The following GRM8 variants were observed in gnomAD, a reference collection of about 807,000 sequenced individuals.
The protein encoded by GRM8 is metabotropic glutamate receptor 8.
In GRM8, 47 loss-of-function variants were observed where a neutral mutation model predicts 87.2. The observed-to-expected ratio is 0.54, with a 90% CI of 0.43 to 0.69. The LOEUF is 0.69. GRM8 is among the 30% of genes least tolerant of loss of function. The pLI is 0.00. For missense variants in GRM8, 1,019 were observed against 1,139.2 expected, an observed-to-expected ratio of 0.89 and a Z score of 1.52; for synonymous variants, 396 against 404.5, an observed-to-expected ratio of 0.98 and a Z score of 0.25.
intron 9 of GRM8, among the ~76,000 whole-genome samples, chr7:126,477,138 C>T (rs1176586152): frequency 6.6e-6 from 1 of 152,020 alleles, no homozygotes; most frequent in Non-Finnish European, 1.5e-5. Context: ...GTAAGGCAGA[C>T]ATAGAAAAAC....
At chr7:126,843,995 C>T (rs1796498725) in intron 6 of GRM8, among the ~76,000 whole-genome samples, 1 of 152,156 alleles carries the variant, frequency 6.6e-6, no homozygotes, top group South Asian at 2.1e-4. Flanking sequence ...AATTTTACAA[C>T]CAGCACTCAC....
chr7:126,646,312 A>G (rs1346877901), intron 7 of GRM8, among the ~76,000 whole-genome samples: 3 of 151,794 alleles, frequency 2.0e-5, no homozygotes, highest in Admixed American at 2.0e-4. Context: ...GGAAAGAAGG[A>G]AGGAAGGAAG....
intron 2 of GRM8, among the ~76,000 whole-genome samples, chr7:127,160,684 A>T (rs2116215244): frequency 6.6e-6 from 1 of 152,168 alleles, no homozygotes; most frequent in African/African-American, 2.4e-5. Flanking sequence ...GATGCTAGGG[A>T]GAAAAAAGCA....
At chr7:126,502,713 T>C (rs1368552224) in intron 9 of GRM8, among the ~76,000 whole-genome samples, 1 of 152,062 alleles carries the variant, frequency 6.6e-6, no homozygotes, top group Admixed American at 6.6e-5. Context: ...TCCACCTTAA[T>C]GGTTATTTAA....
At chr7:127,035,462 C>G (rs1817762326) in intron 3 of GRM8, among the ~76,000 whole-genome samples, 2 of 152,114 alleles carry the variant, frequency 1.3e-5, no homozygotes, top group Admixed American at 1.3e-4. Context: ...CAACTGACTG[C>G]TCTCCCACAT....
intron 7 of GRM8, among the ~76,000 whole-genome samples, chr7:126,747,075 T>C: frequency 6.6e-6 from 1 of 151,892 alleles, no homozygotes; most frequent in African/African-American, 2.4e-5. Flanking sequence ...AATGTATCAT[T>C]GGTGCCCTCC....
chr7:126,735,323 G>A (rs2151492498), intron 7 of GRM8, among the ~76,000 whole-genome samples: 1 of 152,026 alleles, frequency 6.6e-6, no homozygotes, highest in South Asian at 2.1e-4. Context: ...TAAATACAAT[G>A]GCTAATTAGT....
intron 9 of GRM8, among the ~76,000 whole-genome samples, chr7:126,458,274 T>C (rs1803487758): frequency 6.6e-6 from 1 of 151,198 alleles, no homozygotes; most frequent in South Asian, 2.1e-4. Context: ...TATTATCAGG[T>C]TTGATTTTAA....
chr7:127,082,284 T>C (rs2283094), intron 3 of GRM8: 77,676 of 151,922 alleles, frequency 0.51, 20,504 homozygotes, highest in Non-Finnish European at 0.56. Context: ...ATGTAGTCCA[T>C]TCTGCCAGGG....
intron 3 of GRM8, among the ~76,000 whole-genome samples, chr7:126,974,929 C>G (rs1810807136): frequency 1.0e-5 from 1 of 95,808 alleles, no homozygotes; most frequent in African/African-American, 4.3e-5. Flanking sequence ...GAGCGAGACT[C>G]TTGTCTCAAA....
chr7:126,675,905 AG>A (rs1304848240), intron 7 of GRM8, among the ~76,000 whole-genome samples: 1 of 152,198 alleles, frequency 6.6e-6, no homozygotes, highest in Non-Finnish European at 1.5e-5. Flanking sequence ...GTCAGGCAAA[AG>A]AAAGAAGAAA....
intron 6 of GRM8, among the ~76,000 whole-genome samples, chr7:126,786,001 CTT>C: frequency 6.6e-6 from 1 of 152,192 alleles, no homozygotes; most frequent in African/African-American, 2.4e-5. Flanking sequence ...TTTTACCAGT[CTT>C]TTGAGGTTTT....
intron 3 of GRM8, among the ~76,000 whole-genome samples, chr7:126,932,259 G>T (rs1805843283): frequency 1.3e-5 from 2 of 152,164 alleles, no homozygotes; most frequent in African/African-American, 4.8e-5. Context: ...TTAAAGGGCA[G>T]TGGAAACCAA....
chr7:126,920,740 A>G (rs1804432224), intron 3 of GRM8, among the ~76,000 whole-genome samples: 1 of 152,112 alleles, frequency 6.6e-6, no homozygotes, highest in Non-Finnish European at 1.5e-5. Context: ...GTTTCTATAG[A>G]ATAAAAGTCT....
In GRM8 at chr7:126,453,104, CACACACACAT is replaced by C. The variant is rs1164128201; in HGVS notation, c.2431-6742_2431-6733del. On this transcript the variant is annotated intron_variant, in intron 9 of 10. Coordinates refer to ENST00000339582, the MANE Select transcript of GRM8 (RefSeq NM_000845.3). ...ACACACACACACACACACACACACA[CACACACACAT>C]ACAAGCAAAATGGTTTATTCATAAG... 4.2e-3 allele frequency among the ~76,000 whole-genome samples: 510 copies of C among 122,818 alleles called. 3 individuals carry two copies. Among genetic ancestry groups the C allele is most frequent in the African/African-American group, 0.015 (490 of 32,774 alleles). The allele number at this position is 122,818 out of a possible 152,430, so 80.6% of individuals were successfully genotyped here.
rs534804325 is a variant in GRM8, at chr7:126,911,668, G to A, written c.728-6985C>T. 3.3e-5 allele frequency among the ~76,000 whole-genome samples: 5 copies of A among 152,180 alleles called. No homozygotes were observed. The South Asian group carries it at 6.2e-4, about 19-fold the overall frequency. On this transcript the variant is annotated intron_variant, in intron 3 of 10. Coordinates refer to ENST00000339582, the MANE Select transcript of GRM8 (RefSeq NM_000845.3). ...GGCATCTACCTGATGCAGGGCTCAG[G>A]GGAAGCAGAGAAATCCAGGCAGAGA...
chr7:126,554,074 A>C (rs1445763138), intron 8 of GRM8, among the ~76,000 whole-genome samples: 2 of 152,124 alleles, frequency 1.3e-5, no homozygotes, highest in African/African-American at 4.8e-5. Context: ...AATATATTCC[A>C]ATCTTTTCTC....
At chr7:126,866,510 T>G (rs1798601809) in intron 6 of GRM8, among the ~76,000 whole-genome samples, 1 of 151,716 alleles carries the variant, frequency 6.6e-6, no homozygotes, top group Non-Finnish European at 1.5e-5. Context: ...TCACAAAGAT[T>G]TATACTTTTT....
intron 3 of GRM8, among the ~76,000 whole-genome samples, chr7:126,987,927 T>C (rs1018005452): frequency 1.3e-5 from 2 of 152,188 alleles, no homozygotes; most frequent in Non-Finnish European, 2.9e-5. Context: ...CATTCCAATT[T>C]TAAAATTAGC....
Sources: gnomAD v4.1 joint callset for allele counts (sites outside exome capture counted in the v4.1 genomes callset) on GRCh38, gnomAD v4.1.1 for gene constraint, MANE v1.5 for transcripts, NCBI Gene and HGNC (gene_info 2026-07-23, HGNC 2026-07-21) for gene names.